Variants in CAD observed in about 807,000 individuals in gnomAD.
The protein encoded by CAD is carbamoyl-phosphate synthetase 2, aspartate transcarbamylase, and dihydroorotase, also known as multifunctional protein CAD.
A neutral mutation model predicts 237.2 loss-of-function variants in CAD; 81 were observed. The ratio of observed to expected loss-of-function variants is 0.34; its 90% CI spans 0.29 to 0.41. The LOEUF is 0.41. Among genes scored for constraint, CAD ranks in the 10% least tolerant of loss-of-function variants. The pLI is 1.00. For missense variants in CAD, 2,181 were observed against 2,951.7 expected (o/e 0.74, Z 6.05); for synonymous variants, 1,196 against 1,162.8 (o/e 1.03, Z -0.58).
rs369231735 is a variant in CAD, at chr2:27,242,857, C to G, written c.6379-15C>G. 3.4e-5 allele frequency: 55 copies of G among 1,613,714 alleles called. No individual in the cohort carries two copies. In the African/African-American group the frequency reaches 5.6e-4, roughly 16 times the overall value. On this transcript the variant is annotated splice_polypyrimidine_tract_variant and intron_variant, in intron 41 of 43. Transcript: ENST00000264705. The surrounding 1 kb of genome is among the most constrained non-coding windows in gnomAD (Gnocchi z 6.4). ...GCCCAGCGCTGCATCCACCATGGCT[C>G]TCCTCACCCTCCAGGAGGAATTCGA...
Position 27,242,075 on chromosome 2 carries a change from C to T in CAD, c.6048C>T (p.Cys2016=). The part of the protein sequence containing the change: ...SLADSVQTMS[C]YADVVVLRHP... The stretch of plus-strand genomic sequence containing the variant: ...CTGACTCCGTGCAGACCATGAGCTG[C>T]TATGCCGACGTCGTCGTGCTCCGGC... The change falls in exon 39 of 44, where the codon TGC becomes TGT. Residue 2016 remains cysteine, a synonymous_variant. Transcript: ENST00000264705. The surrounding 1 kb of genome is among the most constrained non-coding windows in gnomAD (Gnocchi z 6.4). The T allele has an allele frequency of 1.9e-6, 3 of 1,613,324 alleles. No individual in the cohort carries two copies. Among genetic ancestry groups the T allele is most frequent in the South Asian group, 2.2e-5 (2 of 91,084 alleles).
Position 27,234,135 on chromosome 2 carries a change from C to T in CAD, c.3527C>T (p.Ala1176Val). ...TLVTPPQDIT[A>V]KTLERIKAIV... ...GTGACCCCCCCACAAGATATCACTGCCAAAACCCTGGAGCGGATCAAAGCC... is the reference window on the plus strand; with the variant it reads ...GTGACCCCCCCACAAGATATCACTGTCAAAACCCTGGAGCGGATCAAAGCC... The change falls in exon 22 of 44, where the codon GCC (alanine) becomes GTC (valine). Residue 1176 changes from alanine to valine, a missense_variant. By Grantham distance (64) the Ala-to-Val change is moderately conservative (BLOSUM62 0). Coordinates refer to ENST00000264705, the MANE Select transcript of CAD (RefSeq NM_004341.5). 1.2e-6 allele frequency: 2 copies of T among 1,614,138 alleles called. No homozygotes were observed. The highest frequency in any genetic ancestry group is 1.7e-6 in the Non-Finnish European group (2 of 1,180,016).
rs770282081 is a variant in CAD, at chr2:27,241,252, C to A, written c.5808+25C>A. ...GGTGCCTGGGGCAGGGAGGATGGGA[C>A]CACCCAGAGCTTTGAGGATTTGGAA... On this transcript the variant is annotated intron_variant, in intron 37 of 43. Transcript: ENST00000264705. The surrounding 1 kb of genome is among the most constrained non-coding windows in gnomAD (Gnocchi z 4.6). 5 of 1,612,848 alleles carry A rather than the reference C, an allele frequency of 3.1e-6. No homozygotes were observed. In the South Asian group the frequency reaches 5.5e-5, roughly 18 times the overall value.
chr2:27,239,210 C>G lies in CAD; in HGVS notation c.5231C>G (p.Pro1744Arg). The G allele has an allele frequency of 6.2e-7, 1 of 1,607,208 alleles. No homozygotes were observed. Among genetic ancestry groups the G allele is most frequent in the Non-Finnish European group, 8.5e-7 (1 of 1,176,014 alleles). Residue 1744 changes from proline to arginine, a missense_variant, in exon 32 of 44, where the codon CCG becomes CGG. Coordinates refer to ENST00000264705, the MANE Select transcript of CAD (RefSeq NM_004341.5). The surrounding 1 kb of genome is among the most constrained non-coding windows in gnomAD (Gnocchi z 4.0). ...HNPRRIFHLP[P>R]QEDTYVEVDL... ...CCTCGGCGCATCTTTCACCTGCCCC[C>G]GCAGGAGGACACCTATGTGGAGGTG...
chr2:27,232,839 T>G lies in CAD; in HGVS notation c.2892+145T>G. On this transcript the variant is annotated intron_variant, in intron 18 of 43. Coordinates refer to ENST00000264705, the MANE Select transcript of CAD (RefSeq NM_004341.5). The surrounding 1 kb of genome is among the most constrained non-coding windows in gnomAD (Gnocchi z 4.1). ...GGGGTGGGGGTCCTTTTAGGCCATC[T>G]CTCATGCCCCACACGGTATATGAAT... 9.9e-7 allele frequency: 1 copy of G among 1,006,124 alleles called. No homozygotes were observed. The highest frequency in any genetic ancestry group is 1.5e-6 in the Non-Finnish European group (1 of 663,778). 62.3% of individuals were successfully genotyped at this position (1,006,124 alleles called of 1,614,324 possible). A position where few individuals can be genotyped will look rare whatever the true frequency, so the allele number is the denominator to read the frequency against.
At chr2:27,222,798 G>C (rs1675241872) in intron 5 of CAD, 68 bp from the exon 6 acceptor site, 4 of 1,581,220 alleles carry the variant, frequency 2.5e-6, no homozygotes, top group East Asian at 2.2e-5. Context: ...CATGGGCTGG[G>C]GGGGCTGCAG....
rs1409936601 is a variant in CAD at position 27,242,748 on chromosome 2, C to T, written c.6351C>T (p.Ala2117=). 3 of 1,614,198 alleles carry T rather than the reference C, an allele frequency of 1.9e-6. No homozygotes were observed. The highest frequency in any genetic ancestry group is 2.2e-5 in the East Asian group (1 of 44,884). Reference sequence around the variant, plus strand: ...TGCGCATGCCACCCACTGTGCGGGCCTTCGTGGCCTCCCGCGGCACCAAGC... The same window carrying T: ...TGCGCATGCCACCCACTGTGCGGGCTTTCGTGGCCTCCCGCGGCACCAAGC... ...PSLRMPPTVR[A]FVASRGTKQE... The change falls in exon 41 of 44, where the codon GCC becomes GCT. Residue 2117 remains alanine, a synonymous_variant. Coordinates refer to ENST00000264705, the MANE Select transcript of CAD (RefSeq NM_004341.5). This position sits in a 1 kb window ranked among gnomAD's most constrained non-coding sequence, Gnocchi z 6.4.
At chr2:27,227,896 C>T (rs907209916) in intron 15 of CAD, among the ~76,000 whole-genome samples, 1 of 152,214 alleles carries the variant, frequency 6.6e-6, no homozygotes, top group African/African-American at 2.4e-5. Context: ...TTGATTAATT[C>T]GACCGTGTAT....
chr2:27,225,590 G>T, intron 11 of CAD, 115 bp from the exon 12 acceptor site: 1 of 776,612 alleles, frequency 1.3e-6, no homozygotes. Context: ...GGGGTTACAG[G>T]CGTGAGCCAC....
At chr2:27,223,448 A>T in intron 6 of CAD, 115 bp from the exon 7 acceptor site, 1 of 984,434 alleles carries the variant, frequency 1.0e-6, no homozygotes, top group East Asian at 2.4e-5. Flanking sequence ...AAAAAAAAAC[A>T]AAAAGGAAAC....
chr2:27,239,538 C>G lies in CAD; in HGVS notation c.5394+67C>G. 6.3e-7 allele frequency: 1 copy of G among 1,579,550 alleles called. No individual in the cohort carries two copies. ...CTGCACCACGTTCATTTCTTCCCTT[C>G]CCAGCACATCTACACTGTCCCACTA... On this transcript the variant is annotated intron_variant, in intron 33 of 43. Coordinates refer to ENST00000264705, the MANE Select transcript of CAD (RefSeq NM_004341.5). The surrounding 1 kb of genome is among the most constrained non-coding windows in gnomAD (Gnocchi z 4.0).
In CAD at chr2:27,222,298, C is replaced by T. The variant is rs372965533; in HGVS notation, c.457C>T (p.Pro153Ser). ...TEPSSLPFLD[P>S]NARPLVPEVS... ...ACCTTCATCCCTGCCATTCTTGGAC[C>T]CCAATGCCCGCCCCCTGGTACCAGA... Residue 153 changes from proline to serine, a missense_variant, in exon 4 of 44, where the codon CCC (proline) becomes TCC (serine). Coordinates refer to ENST00000264705, the MANE Select transcript of CAD (RefSeq NM_004341.5). The T allele has an allele frequency of 3.2e-5, 51 of 1,613,132 alleles. No homozygotes were observed. The highest frequency in any genetic ancestry group is 4.0e-5 in the Non-Finnish European group (47 of 1,179,380).
chr2:27,237,235 G>A lies in CAD; in HGVS notation c.4397-144G>A. 1 of 786,066 alleles carries A rather than the reference G, an allele frequency of 1.3e-6. No individual in the cohort carries two copies. Among genetic ancestry groups the A allele is most frequent in the Non-Finnish European group, 2.1e-6 (1 of 471,910 alleles). The allele number at this position is 786,066 out of a possible 1,614,324, so 48.7% of individuals were successfully genotyped here. A position where few individuals can be genotyped will look rare whatever the true frequency, so the allele number is the denominator to read the frequency against. On this transcript the variant is annotated intron_variant, in intron 27 of 43. Coordinates refer to ENST00000264705, the MANE Select transcript of CAD (RefSeq NM_004341.5). This position sits in a 1 kb window ranked among gnomAD's most constrained non-coding sequence, Gnocchi z 4.0. ...GACGGGGTTTCACCATGTTGGTCAGGTTGGTCTCGAACTCCTGATCTCAGG... is the reference window on the plus strand; with the variant it reads ...GACGGGGTTTCACCATGTTGGTCAGATTGGTCTCGAACTCCTGATCTCAGG...
In CAD at chr2:27,231,330, A is replaced by G. The variant is rs557644083; in HGVS notation, c.2288-138A>G. 3.5e-5 allele frequency: 22 copies of G among 622,146 alleles called. No homozygotes were observed. The South Asian group carries it at 4.0e-4, about 11-fold the overall frequency. The allele number at this position is 622,146 out of a possible 1,614,324, so 38.5% of individuals were successfully genotyped here. ...CATTAAGATTTCTTAGTTGTGAAAC[A>G]CCATGAATCCCACCATCATGTGACT... On this transcript the variant is annotated intron_variant, in intron 15 of 43. Coordinates refer to ENST00000264705, the MANE Select transcript of CAD (RefSeq NM_004341.5).
At chr2:27,219,261 T>TA (rs774851438) in intron 2 of CAD, among the ~76,000 whole-genome samples, 5 of 152,238 alleles carry the variant, frequency 3.3e-5, no homozygotes, top group Non-Finnish European at 5.9e-5. Flanking sequence ...GAATGCAGTT[T>TA]AAATATGCTG....
At position 27,226,596 on chromosome 2, in the gene CAD, A is replaced by G; in HGVS notation, c.2103A>G (p.Pro701=). The G allele has an allele frequency of 1.2e-6, 2 of 1,614,144 alleles. No homozygotes were observed. Among genetic ancestry groups the G allele is most frequent in the Non-Finnish European group, 1.7e-6 (2 of 1,179,998 alleles). ...TGGCCAGTAAGGCCACAGGTTATCC[A>G]CTGGCTTATGTGGCAGCCAAGCTAG... The part of the protein sequence containing the change: ...SALASKATGY[P]LAYVAAKLAL... The change falls in exon 14 of 44, where the codon CCA becomes CCG. Residue 701 remains proline (P), a synonymous_variant. Transcript: ENST00000264705.
chr2:27,223,640 G>C lies in CAD; in HGVS notation c.887G>C (p.Gly296Ala), dbSNP rs746916632. 1.2e-6 allele frequency: 2 copies of C among 1,614,036 alleles called. No homozygotes were observed. Among genetic ancestry groups the C allele is most frequent in the African/African-American group, 1.3e-5 (1 of 75,014 alleles). The change falls in exon 7 of 44, where the codon GGG (glycine) becomes GCG (alanine). Residue 296 changes from glycine (G) to alanine (A), a missense_variant. Gly to Ala is a moderately conservative substitution (Grantham distance 60, BLOSUM62 0). Transcript: ENST00000264705. ...GRCFLTSQNH[G>A]FAVETDSLPA... ...TGCTTTCTGACATCCCAGAACCATGGGTTTGCTGTGGAGACAGACTCACTG... is the reference window on the plus strand; with the variant it reads ...TGCTTTCTGACATCCCAGAACCATGCGTTTGCTGTGGAGACAGACTCACTG...
Position 27,242,046 on chromosome 2 carries a change from C to T in CAD, c.6019C>T (p.Leu2007=). The T allele has an allele frequency of 6.2e-7, 1 of 1,613,420 alleles. No homozygotes were observed. The highest frequency in any genetic ancestry group is 8.5e-7 in the Non-Finnish European group (1 of 1,180,046). ...ATSSVQKGES[L]ADSVQTMSCY... is the part of the protein sequence containing the mutation. ...ATCGTCCGTCCAGAAGGGCGAATCC[C>T]TGGCTGACTCCGTGCAGACCATGAG... The change falls in exon 39 of 44, where the codon CTG becomes TTG. Residue 2007 remains leucine, a synonymous_variant. Coordinates refer to ENST00000264705, the MANE Select transcript of CAD (RefSeq NM_004341.5). The surrounding 1 kb of genome is among the most constrained non-coding windows in gnomAD (Gnocchi z 6.4).
chr2:27,222,329 C>G lies in CAD; in HGVS notation c.488C>G (p.Ser163Cys), dbSNP rs759935188. 3.1e-6 allele frequency: 5 copies of G among 1,611,136 alleles called. No homozygotes were observed. Among genetic ancestry groups the G allele is most frequent in the Non-Finnish European group, 4.2e-6 (5 of 1,177,708 alleles). Reference protein sequence around the residue: ...PNARPLVPEVSIKTPRVFNTG... With the variant: ...PNARPLVPEVCIKTPRVFNTG... ...GCCCGCCCCCTGGTACCAGAGGTCT[C>G]CATTAAGGTACAGAGGTAGAGTGGG... The change falls in exon 4 of 44, where the codon TCC (serine) becomes TGC (cysteine). Residue 163 changes from serine to cysteine, a missense_variant. Around this residue, in one of 12 missense-constraint regions of CAD, gnomAD observed 314 missense variants for 339.4 expected, o/e 0.93. Coordinates refer to ENST00000264705, the MANE Select transcript of CAD (RefSeq NM_004341.5).
Sources: allele counts gnomAD v4.1 joint callset (sites outside exome capture counted in the v4.1 genomes callset), GRCh38; gene constraint gnomAD v4.1.1; regional missense constraint gnomAD v4.1.1; non-coding constraint Gnocchi (gnomAD v3.1); transcripts MANE v1.5; gene names NCBI Gene and HGNC (gene_info 2026-07-23, HGNC 2026-07-21).